PCDH19: variants seen among roughly 807,000 people sequenced by gnomAD.
PCDH19 encodes protocadherin 19, also known as protocadherin-19.
A neutral mutation model predicts 46.2 loss-of-function variants in PCDH19; 6 were observed. That is an observed-to-expected ratio of 0.13 (90% confidence interval 0.07 to 0.26). The LOEUF is 0.26. PCDH19 is among the 10% of genes least tolerant of loss of function. The pLI, the probability that PCDH19 is intolerant of heterozygous loss-of-function variation, is 1.00. For synonymous variants in PCDH19, 481 were observed against 415.7 expected (o/e 1.16, Z -1.91); for missense variants, 740 against 972.3 (o/e 0.76, Z 3.18).
At chrX:100,370,181 T>C (rs1467826841) in intron 3 of PCDH19, among the ~76,000 whole-genome samples, 1 of 111,990 alleles carries the variant, frequency 8.9e-6, no homozygotes, top group Non-Finnish European at 1.9e-5. Context: ...CACACAGATG[T>C]AGAGGGAAAT....
chrX:100,297,945 G>A lies in PCDH19; in HGVS notation c.2849-1070C>T, dbSNP rs186424866. Among the ~76,000 whole-genome samples, 7 of 110,138 alleles carry A rather than the reference G, an allele frequency of 6.4e-5. No homozygotes were observed. In the South Asian group the frequency reaches 1.5e-3, roughly 24 times the overall value. ...GAGGATGACCTAATGAAAACATTGC[G>A]CAATGCATCAAAATATGAGCAGCTT... On this transcript the variant is annotated intron_variant, in intron 5 of 5. Coordinates refer to ENST00000373034, the MANE Select transcript of PCDH19 (RefSeq NM_001184880.2).
intron 3 of PCDH19, among the ~76,000 whole-genome samples, chrX:100,380,714 G>A (rs1392393533): frequency 8.9e-6 from 1 of 111,940 alleles, no homozygotes; most frequent in Non-Finnish European, 1.9e-5. Context: ...CTTCAAAAGT[G>A]CTGGCAGAAA....
intron 3 of PCDH19, among the ~76,000 whole-genome samples, chrX:100,354,316 C>A (rs1407612246): frequency 8.9e-6 from 1 of 111,790 alleles, no homozygotes; most frequent in Non-Finnish European, 1.9e-5. Context: ...ATGTCTTAAG[C>A]CAGTGGTTCT....
chrX:100,323,566 G>C (rs1397802454), intron 5 of PCDH19, among the ~76,000 whole-genome samples: 1 of 111,759 alleles, frequency 8.9e-6, no homozygotes, highest in Admixed American at 9.5e-5. Flanking sequence ...TCAAACATTG[G>C]TGGATGGCAT....
intron 3 of PCDH19, among the ~76,000 whole-genome samples, chrX:100,363,252 C>G (rs1926949530): frequency 9.5e-6 from 1 of 104,956 alleles, no homozygotes; most frequent in Non-Finnish European, 1.9e-5. Flanking sequence ...TGCAGTAAGC[C>G]AAGATCACGC....
chrX:100,330,280 G>C (rs1925837243), intron 5 of PCDH19, among the ~76,000 whole-genome samples: 1 of 112,044 alleles, frequency 8.9e-6, no homozygotes, highest in African/African-American at 3.2e-5. Flanking sequence ...TATTAAAAGG[G>C]AAATATTCTA....
chrX:100,366,167 C>T (rs895362512), intron 3 of PCDH19, among the ~76,000 whole-genome samples: 2 of 112,064 alleles, frequency 1.8e-5, no homozygotes, highest in African/African-American at 6.5e-5. Flanking sequence ...TTTGTTGCCA[C>T]TTAAATTGCT....
intron 5 of PCDH19, among the ~76,000 whole-genome samples, chrX:100,320,693 G>C (rs1054735431): frequency 9.1e-6 from 1 of 109,499 alleles, no homozygotes; most frequent in African/African-American, 3.3e-5. Flanking sequence ...ATCTAAAACA[G>C]CCCAGATCAG....
intron 5 of PCDH19, among the ~76,000 whole-genome samples, chrX:100,299,808 G>A (rs1363349035): frequency 1.8e-5 from 2 of 112,131 alleles, no homozygotes; most frequent in Admixed American, 9.4e-5. Context: ...ATCATATGCA[G>A]TTTTCTCAGA....
At chrX:100,314,326 T>C (rs888825895) in intron 5 of PCDH19, among the ~76,000 whole-genome samples, 3 of 111,984 alleles carry the variant, frequency 2.7e-5, no homozygotes, top group Non-Finnish European at 5.6e-5. Flanking sequence ...GTCATGTGTG[T>C]TTACAGAGGG....
At chrX:100,307,884 A>C (rs1360736685) in intron 5 of PCDH19, among the ~76,000 whole-genome samples, 1 of 111,399 alleles carries the variant, frequency 9.0e-6, no homozygotes, top group Non-Finnish European at 1.9e-5. Flanking sequence ...CTGCTGAAAA[A>C]AATTATAGAT....
Position 100,386,437 on chromosome X carries a change from A to T in PCDH19, c.2616+16087T>A, listed in dbSNP as rs1483872337. Among the ~76,000 whole-genome samples the T allele has an allele frequency of 4.5e-5, 5 of 111,971 alleles. No individual in the cohort carries two copies. In the Admixed American group the frequency reaches 4.8e-4, roughly 11 times the overall value. On this transcript the variant is annotated intron_variant, in intron 3 of 5. Transcript: ENST00000373034. ...ATTCCTTGCTTTCGATCTTCTTATCACCTTCTGGGGTTTTATATTAACTTT... is the reference window on the plus strand; with the variant it reads ...ATTCCTTGCTTTCGATCTTCTTATCTCCTTCTGGGGTTTTATATTAACTTT...
chrX:100,397,383 C>T (rs758249356), intron 3 of PCDH19, among the ~76,000 whole-genome samples: 25 of 112,118 alleles, frequency 2.2e-4, no homozygotes, highest in Non-Finnish European at 3.8e-4. Flanking sequence ...AAGACTGTTG[C>T]ATGAGTGGCT....
In PCDH19 at chrX:100,342,222, G is replaced by A. The variant is rs1926273668; in HGVS notation, c.2676-147C>T. On this transcript the variant is annotated intron_variant, in intron 4 of 5. Coordinates refer to ENST00000373034, the MANE Select transcript of PCDH19 (RefSeq NM_001184880.2). ...AGGAATAAGGGGAAGAGAAATTTGT[G>A]CTTAAAGATAATAAAACTTAACATT... 39 of 531,272 alleles carry A rather than the reference G, an allele frequency of 7.3e-5. No individual in the cohort carries two copies. The South Asian group carries it at 1.0e-3, about 14-fold the overall frequency. 43.8% of individuals were successfully genotyped at this position (531,272 alleles called of 1,213,427 possible).
chrX:100,306,132 A>G (rs1414374016), intron 5 of PCDH19, among the ~76,000 whole-genome samples: 1 of 111,979 alleles, frequency 8.9e-6, no homozygotes, highest in Non-Finnish European at 1.9e-5. Flanking sequence ...TCACCAGCAC[A>G]TGGAACATTC....
chrX:100,372,736 T>C (rs1034498201), intron 3 of PCDH19, among the ~76,000 whole-genome samples: 1 of 112,269 alleles, frequency 8.9e-6, no homozygotes, highest in African/African-American at 3.2e-5. Flanking sequence ...TCTTGCTTTT[T>C]TGGGGAAACT....
rs747675276 is a variant in PCDH19 at position 100,376,755 on chromosome X, T to C, written c.2616+25769A>G. On this transcript the variant is annotated intron_variant, in intron 3 of 5. Coordinates refer to ENST00000373034, the MANE Select transcript of PCDH19 (RefSeq NM_001184880.2). ...ATAACTGGGATTCTACAGTAAAGCATCTGGAACAGTGCCTGGCACATGTTA... is the reference window on the plus strand; with the variant it reads ...ATAACTGGGATTCTACAGTAAAGCACCTGGAACAGTGCCTGGCACATGTTA... Among the ~76,000 whole-genome samples the C allele has an allele frequency of 5.4e-5, 6 of 111,957 alleles. No homozygotes were observed. The East Asian group carries it at 1.7e-3, about 31-fold the overall frequency.
chrX:100,365,851 C>T (rs957880232), intron 3 of PCDH19, among the ~76,000 whole-genome samples: 5 of 112,134 alleles, frequency 4.5e-5, no homozygotes, highest in Admixed American at 9.5e-5. Context: ...CTGACATTCT[C>T]TCTACTTGCC....
At chrX:100,322,098 T>C (rs1226020066) in intron 5 of PCDH19, among the ~76,000 whole-genome samples, 1 of 110,876 alleles carries the variant, frequency 9.0e-6, no homozygotes, top group Non-Finnish European at 1.9e-5. Context: ...CTATCTTTGT[T>C]TTTATTGCAT....
Sources: gnomAD v4.1 joint callset for allele counts (sites outside exome capture counted in the v4.1 genomes callset) on GRCh38, gnomAD v4.1.1 for gene constraint, MANE v1.5 for transcripts, NCBI Gene and HGNC (gene_info 2026-07-23, HGNC 2026-07-21) for gene names.